ANXA3: variants seen among roughly 807,000 people sequenced by gnomAD.
ANXA3 encodes annexin A3.
In ANXA3, 46 loss-of-function variants were observed where a neutral mutation model predicts 48.8. The ratio of observed to expected loss-of-function variants is 0.94; its 90% CI spans 0.74 to 1.21. ANXA3 has a LOEUF of 1.21. Among genes scored for constraint, ANXA3 ranks in the 50% most tolerant of loss-of-function variants. The pLI, the probability that ANXA3 is intolerant of heterozygous loss-of-function variation, is 0.00. For missense variants in ANXA3, 383 were observed against 378.6 expected (o/e 1.01, Z -0.10); for synonymous variants, 128 against 134.7 (o/e 0.95, Z 0.35).
At chr4:78,555,062 C>T (rs1411186023) in intron 2 of ANXA3, among the ~76,000 whole-genome samples, 3 of 152,126 alleles carry the variant, frequency 2.0e-5, no homozygotes, top group South Asian at 2.1e-4. Context: ...AAAAATAGCC[C>T]GGTGCGATGG....
intron 2 of ANXA3, among the ~76,000 whole-genome samples, chr4:78,565,430 G>A (rs1042349017): frequency 1.1e-4 from 17 of 152,230 alleles, no homozygotes; most frequent in African/African-American, 3.9e-4. Context: ...AAGAACCTGG[G>A]GAGGAGCGCC....
chr4:78,578,737 A>C (rs1357637899), intron 3 of ANXA3, among the ~76,000 whole-genome samples: 2 of 152,142 alleles, frequency 1.3e-5, no homozygotes, highest in Non-Finnish European at 2.9e-5. Flanking sequence ...CAAGTTCAAA[A>C]GTAGTAGGTT....
chr4:78,590,785 G>A lies in ANXA3; in HGVS notation c.404-759G>A, dbSNP rs532876937. ...GGTTTAATTATATTCATTAAGATTA[G>A]GGTTAGATTCGATAAAACAGAAAAA... On this transcript the variant is annotated intron_variant, in intron 6 of 12. Transcript: ENST00000264908. Among the ~76,000 whole-genome samples, 349 of 151,998 alleles carry A rather than the reference G, an allele frequency of 2.3e-3. 8 individuals are homozygous for A. Among genetic ancestry groups the A allele is most frequent in the African/African-American group, 8.2e-3 (338 of 41,266 alleles).
chr4:78,563,332 A>G (rs1722661712), intron 2 of ANXA3, among the ~76,000 whole-genome samples: 1 of 152,158 alleles, frequency 6.6e-6, no homozygotes, highest in South Asian at 2.1e-4. Flanking sequence ...TGGATAGAGT[A>G]AGTGTCCCCA....
chr4:78,573,055 G>A, intron 2 of ANXA3, 125 bp from the exon 3 acceptor site: 1 of 790,246 alleles, frequency 1.3e-6, no homozygotes, highest in Middle Eastern at 2.3e-4. Flanking sequence ...CACTCCTGAA[G>A]TGGTAGGAAG....
intron 2 of ANXA3, among the ~76,000 whole-genome samples, chr4:78,568,371 C>T (rs1356380579): frequency 6.6e-6 from 1 of 152,190 alleles, no homozygotes; most frequent in Non-Finnish European, 1.5e-5. Flanking sequence ...AACATAGCAT[C>T]TTGACATTGA....
At chr4:78,557,202 T>A (rs1722533656) in intron 2 of ANXA3, among the ~76,000 whole-genome samples, 1 of 152,186 alleles carries the variant, frequency 6.6e-6, no homozygotes, top group Admixed American at 6.5e-5. Flanking sequence ...CTGCCTGTCC[T>A]TGTATGTGGC....
At chr4:78,567,679 G>T (rs1722760209) in intron 2 of ANXA3, among the ~76,000 whole-genome samples, 1 of 152,188 alleles carries the variant, frequency 6.6e-6, no homozygotes, top group Admixed American at 6.5e-5. Flanking sequence ...CAAATAACTT[G>T]CAGATAAAGG....
Position 78,610,268 on chromosome 4 carries a change from C to G in ANXA3, c.*153C>G, listed in dbSNP as rs1045576117. 1 of 464,708 alleles carries G rather than the reference C, an allele frequency of 2.2e-6. No individual in the cohort carries two copies. Among genetic ancestry groups the G allele is most frequent in the Non-Finnish European group, 3.8e-6 (1 of 260,412 alleles). 28.8% of individuals were successfully genotyped at this position (464,708 alleles called of 1,614,324 possible). ...TGTTCTATAACAACAACAACAAAAGCGATTATTATTTTAGAGCATCTCATT... is the reference window on the plus strand; with the variant it reads ...TGTTCTATAACAACAACAACAAAAGGGATTATTATTTTAGAGCATCTCATT... On this transcript the variant is annotated 3_prime_UTR_variant, in exon 13 of 13. Coordinates refer to ENST00000264908, the MANE Select transcript of ANXA3 (RefSeq NM_005139.3).
In ANXA3 at chr4:78,595,341, A is replaced by G. The variant is rs150363744; in HGVS notation, c.484-40A>G. Reference sequence around the variant, plus strand: ...GAAGTACTATGTGTTAGAATCTTCTATCTTTAAAGGATGGCCCTTGTTTTC... The same window carrying G: ...GAAGTACTATGTGTTAGAATCTTCTGTCTTTAAAGGATGGCCCTTGTTTTC... On this transcript the variant is annotated intron_variant, in intron 7 of 12. Coordinates refer to ENST00000264908, the MANE Select transcript of ANXA3 (RefSeq NM_005139.3). 3.6e-4 allele frequency: 581 copies of G among 1,608,290 alleles called. 1 individual carries two copies. In the African/African-American group the frequency reaches 4.4e-3, roughly 12 times the overall value.
At chr4:78,557,794 A>G (rs994853700) in intron 2 of ANXA3, among the ~76,000 whole-genome samples, 6 of 151,668 alleles carry the variant, frequency 4.0e-5, no homozygotes, top group Non-Finnish European at 8.8e-5. Flanking sequence ...CAGAACTGCT[A>G]TGGAAAACAA....
At position 78,597,983 on chromosome 4, in the gene ANXA3, C is replaced by T. The variant is rs142770639; in HGVS notation, c.730+569C>T. 7.2e-3 allele frequency among the ~76,000 whole-genome samples: 1,098 copies of T among 152,220 alleles called. 32 individuals carry two copies. The highest frequency in any genetic ancestry group is 0.063 in the Admixed American group (959 of 15,288). ...GTGACCATGTTTAGCTTGTAGACTTCTTGAGAGCTGAAATATTTTATTTCT... is the reference window on the plus strand; with the variant it reads ...GTGACCATGTTTAGCTTGTAGACTTTTTGAGAGCTGAAATATTTTATTTCT... On this transcript the variant is annotated intron_variant, in intron 10 of 12. Coordinates refer to ENST00000264908, the MANE Select transcript of ANXA3 (RefSeq NM_005139.3).
chr4:78,557,005 G>A (rs1255802108), intron 2 of ANXA3, among the ~76,000 whole-genome samples: 2 of 152,226 alleles, frequency 1.3e-5, no homozygotes, highest in Non-Finnish European at 2.9e-5. Flanking sequence ...TTAGAAGCCT[G>A]AAATGGGTCA....
chr4:78,609,430 C>G (rs994964305), intron 12 of ANXA3, among the ~76,000 whole-genome samples: 1 of 152,136 alleles, frequency 6.6e-6, no homozygotes, highest in Non-Finnish European at 1.5e-5. Context: ...TTCTGGACAA[C>G]AGTCTATTTT....
In ANXA3 at chr4:78,558,488, G is replaced by A. The variant is rs563906937; in HGVS notation, c.15+4000G>A. 2.5e-4 allele frequency among the ~76,000 whole-genome samples: 38 copies of A among 152,228 alleles called. 1 individual carries two copies. Among genetic ancestry groups the A allele is most frequent in the Middle Eastern group, 6.8e-3 (2 of 294 alleles). On this transcript the variant is annotated intron_variant, in intron 2 of 12. Coordinates refer to ENST00000264908, the MANE Select transcript of ANXA3 (RefSeq NM_005139.3). ...AACATAAATAAGCAATCAAGTCATT[G>A]CATTTCTACAAAACTGTATACGTGA...
Position 78,610,101 on chromosome 4 carries a change from G to C in ANXA3, c.958G>C (p.Gly320Arg), listed in dbSNP as rs1723728337. The C allele has an allele frequency of 1.9e-6, 3 of 1,609,998 alleles. No individual in the cohort carries two copies. The highest frequency in any genetic ancestry group is 2.5e-6 in the Non-Finnish European group (3 of 1,177,628). The change falls in exon 13 of 13, where the codon GGT (glycine) becomes CGT (arginine). Residue 320 changes from glycine (G) to arginine (R), a missense_variant. Coordinates refer to ENST00000264908, the MANE Select transcript of ANXA3 (RefSeq NM_005139.3). ...DYEITLLKIC[G>R]GDD ...TGAAATCACACTCTTAAAAATCTGT[G>C]GTGGAGATGACTGAACCAAGAAGAT...
intron 2 of ANXA3, among the ~76,000 whole-genome samples, chr4:78,566,334 A>C (rs998626347): frequency 2.6e-5 from 4 of 152,224 alleles, no homozygotes; most frequent in African/African-American, 9.6e-5. Context: ...CCTGATGATG[A>C]AATCACTCTA....
intron 2 of ANXA3, among the ~76,000 whole-genome samples, chr4:78,558,145 C>T (rs767115803): frequency 7.2e-5 from 11 of 152,096 alleles, no homozygotes; most frequent in Non-Finnish European, 1.3e-4. Context: ...CCCAAAGAGA[C>T]AAAATACTGT....
rs774394327 is a variant in ANXA3, at chr4:78,579,125, A to G, written c.198+4A>G. 1 of 1,599,792 alleles carries G rather than the reference A, an allele frequency of 6.3e-7. No individual in the cohort carries two copies. Among genetic ancestry groups the G allele is most frequent in the Non-Finnish European group, 8.6e-7 (1 of 1,168,252 alleles). ...ATATCAAGCAGCATATGGAAAGGTAAGGTCACATTAACATGACAGGCAGTA... is the reference window on the plus strand; with the variant it reads ...ATATCAAGCAGCATATGGAAAGGTAGGGTCACATTAACATGACAGGCAGTA... On this transcript the variant is annotated splice_donor_region_variant and intron_variant, in intron 4 of 12. Coordinates refer to ENST00000264908, the MANE Select transcript of ANXA3 (RefSeq NM_005139.3).
Sources: gnomAD v4.1 joint callset for allele counts (sites outside exome capture counted in the v4.1 genomes callset) on GRCh38, gnomAD v4.1.1 for gene constraint, MANE v1.5 for transcripts, NCBI Gene and HGNC (gene_info 2026-07-23, HGNC 2026-07-21) for gene names.